The following PSD3 variants were observed in gnomAD, a reference collection of about 807,000 sequenced individuals.
The protein encoded by PSD3 is pleckstrin and Sec7 domain containing 3, also known as PH and SEC7 domain-containing protein 3.
In PSD3, 49 loss-of-function variants were observed where a neutral mutation model predicts 105.5. The ratio of observed to expected loss-of-function variants is 0.46; its 90% CI spans 0.37 to 0.59. The LOEUF (loss-of-function observed/expected upper bound fraction) is 0.59. Ranked by LOEUF, PSD3 falls within the 20% of genes least tolerant of loss-of-function variation. The pLI is 0.00. For synonymous variants in PSD3, 557 were observed against 457.8 expected, an observed-to-expected ratio of 1.22 and a Z score of -2.77; for missense variants, 1,561 against 1,263.8, an observed-to-expected ratio of 1.24 and a Z score of -3.57.
chr8:18,884,086 G>A (rs1818296391), intron 2 of PSD3, among the ~76,000 whole-genome samples: 1 of 152,026 alleles, frequency 6.6e-6, no homozygotes, highest in African/African-American at 2.4e-5. Context: ...TTCCAAAGAC[G>A]AGGGCAGGAA....
intron 9 of PSD3, among the ~76,000 whole-genome samples, chr8:18,712,651 A>C (rs574769575): frequency 7.2e-5 from 11 of 152,222 alleles, no homozygotes; most frequent in Non-Finnish European, 1.5e-4. Context: ...CTCCCAACCA[A>C]ACAAACAAAA....
At chr8:18,938,227 A>G (rs1331424974) in intron 1 of PSD3, among the ~76,000 whole-genome samples, 2 of 152,232 alleles carry the variant, frequency 1.3e-5, no homozygotes, top group Non-Finnish European at 2.9e-5. Context: ...TAGAAATCCA[A>G]ACGAGAACAG....
intron 1 of PSD3, among the ~76,000 whole-genome samples, chr8:19,027,220 A>C (rs962121043): frequency 1.3e-5 from 2 of 152,142 alleles, no homozygotes; most frequent in Admixed American, 1.3e-4. Flanking sequence ...AAGGGAAAAA[A>C]ACAAAAAAGA....
chr8:18,873,393 T>G (rs547416306), intron 2 of PSD3, among the ~76,000 whole-genome samples: 7 of 152,288 alleles, frequency 4.6e-5, no homozygotes, highest in African/African-American at 1.7e-4. Context: ...TTTTCTCATT[T>G]TATTCATTTA....
intron 4 of PSD3, among the ~76,000 whole-genome samples, chr8:18,832,220 C>G (rs578180873): frequency 6.6e-6 from 1 of 152,158 alleles, no homozygotes; most frequent in African/African-American, 2.4e-5. Context: ...CACTGCAACC[C>G]TAAAGAGTAA....
Position 18,529,458 on chromosome 8 carries a change from C to G in PSD3, c.*6285G>C, listed in dbSNP as rs1799548017. The G allele has an allele frequency of 6.6e-6, 1 of 152,544 alleles. No homozygotes were observed. The highest frequency in any genetic ancestry group is 2.4e-5 in the African/African-American group (1 of 41,428). 9.4% of individuals were successfully genotyped at this position (152,544 alleles called of 1,614,324 possible). A position where few individuals can be genotyped will look rare whatever the true frequency, so the allele number is the denominator to read the frequency against. On this transcript the variant is annotated 3_prime_UTR_variant, in exon 16 of 16. Coordinates refer to ENST00000327040, the MANE Select transcript of PSD3 (RefSeq NM_015310.4). The stretch of plus-strand genomic sequence containing the variant: ...GTGTACACATGTCAGAGGTCCCAGA[C>G]ATGTCAACTTTTCTCCTTATACACC...
At chr8:18,954,870 T>A (rs1434771876) in intron 1 of PSD3, among the ~76,000 whole-genome samples, 2 of 152,114 alleles carry the variant, frequency 1.3e-5, no homozygotes, top group Non-Finnish European at 2.9e-5. Context: ...ATTACAACAT[T>A]AATCTTTCCA....
intron 9 of PSD3, among the ~76,000 whole-genome samples, chr8:18,661,750 T>C (rs573019320): frequency 7.2e-4 from 109 of 152,144 alleles, no homozygotes; most frequent in Non-Finnish European, 1.2e-3. Flanking sequence ...AAAGGAGAAA[T>C]AGCCTGAAGG....
chr8:18,576,770 G>A (rs1245375314), intron 12 of PSD3, among the ~76,000 whole-genome samples: 1 of 152,094 alleles, frequency 6.6e-6, no homozygotes, highest in Non-Finnish European at 1.5e-5. Context: ...GAGGAGAAAT[G>A]ATGAGGGCCA....
chr8:18,821,213 GC>G (rs1048630361), intron 4 of PSD3, among the ~76,000 whole-genome samples: 1 of 150,416 alleles, frequency 6.6e-6, no homozygotes, highest in Non-Finnish European at 1.5e-5. Flanking sequence ...AAGTTTTATG[GC>G]CAATTCCTCA....
At chr8:18,832,203 GATGT>G (rs1813732794) in intron 4 of PSD3, among the ~76,000 whole-genome samples, 1 of 152,124 alleles carries the variant, frequency 6.6e-6, no homozygotes, top group Admixed American at 6.5e-5. Flanking sequence ...AAGCCCAGTG[GATGT>G]ATCACTGCAA....
At chr8:18,799,191 G>T in intron 8 of PSD3, 104 bp downstream of exon 8, 1 of 1,013,172 alleles carries the variant, frequency 9.9e-7, no homozygotes, top group Non-Finnish European at 1.6e-6. Context: ...TGGGAACCAT[G>T]TAGAGAATGG....
chr8:18,661,179 T>C (rs1410500590), intron 9 of PSD3, among the ~76,000 whole-genome samples: 1 of 152,216 alleles, frequency 6.6e-6, no homozygotes, highest in Non-Finnish European at 1.5e-5. Flanking sequence ...AATGAATTTT[T>C]TTCTCTGTGG....
Position 18,871,829 on chromosome 8 carries a change from G to A in PSD3, c.1035C>T (p.Ile345=). ...KESSKVPRHL[I]SSAGLCNSSS... The stretch of plus-strand genomic sequence containing the variant: ...TTGAATTACACAAACCAGCTGATGA[G>A]ATGAGATGGCGTGGCACTTTGGAAG... The change falls in exon 3 of 16, where the codon ATC becomes ATT. Residue 345 remains isoleucine, a synonymous_variant. Transcript: ENST00000327040. 1.2e-6 allele frequency: 2 copies of A among 1,614,196 alleles called. No individual in the cohort carries two copies. Among genetic ancestry groups the A allele is most frequent in the Non-Finnish European group, 1.7e-6 (2 of 1,180,020 alleles).
chr8:18,866,265 T>C (rs1816927546), intron 4 of PSD3, among the ~76,000 whole-genome samples: 1 of 152,204 alleles, frequency 6.6e-6, no homozygotes, highest in Admixed American at 6.5e-5. Context: ...ACGGGGACAC[T>C]GCTTTCAGGA....
chr8:18,800,332 T>C (rs765469406), intron 7 of PSD3, among the ~76,000 whole-genome samples: 2 of 152,204 alleles, frequency 1.3e-5, no homozygotes, highest in Non-Finnish European at 2.9e-5. Context: ...AGTTTACCGA[T>C]AGGAATGTGA....
intron 8 of PSD3, among the ~76,000 whole-genome samples, chr8:18,797,456 A>T (rs1483580735): frequency 6.6e-6 from 1 of 152,184 alleles, no homozygotes; most frequent in Non-Finnish European, 1.5e-5. Flanking sequence ...TGCTTCATCT[A>T]ATCTCCTTAC....
chr8:18,701,413 C>A (rs1395898076), intron 9 of PSD3, among the ~76,000 whole-genome samples: 2 of 152,100 alleles, frequency 1.3e-5, no homozygotes, highest in Non-Finnish European at 2.9e-5. Context: ...AACTCATATA[C>A]AGTAACCTAT....
chr8:18,890,798 C>G (rs1818736682), intron 2 of PSD3, among the ~76,000 whole-genome samples: 1 of 148,688 alleles, frequency 6.7e-6, no homozygotes, highest in African/African-American at 2.5e-5. Context: ...CCCTGTGCTG[C>G]AAACTGCACT....
Sources: gnomAD v4.1 joint callset for allele counts (sites outside exome capture counted in the v4.1 genomes callset) on GRCh38, gnomAD v4.1.1 for gene constraint, MANE v1.5 for transcripts, NCBI Gene and HGNC (gene_info 2026-07-23, HGNC 2026-07-21) for gene names.